Variants in RBMS3 observed in about 807,000 individuals in gnomAD.
RBMS3 encodes the protein RNA-binding motif, single-stranded-interacting protein 3.
In RBMS3, 27 loss-of-function variants were observed where a neutral mutation model predicts 66.8. The observed-to-expected ratio is 0.40, with a 90% CI of 0.30 to 0.56. The LOEUF is 0.56. Ranked by LOEUF, RBMS3 falls within the 20% of genes least tolerant of loss-of-function variation. RBMS3 has a pLI of 0.40. For missense variants in RBMS3, 513 were observed against 549.5 expected (o/e 0.93, Z 0.66); for synonymous variants, 188 against 183.0 (o/e 1.03, Z -0.22).
At chr3:29,944,293 G>C in intron 12 of RBMS3, 39 bp downstream of exon 12, 1 of 1,512,098 alleles carries the variant, frequency 6.6e-7, no homozygotes, top group Non-Finnish European at 9.2e-7. Context: ...GGATTGGAGG[G>C]GAGAGATGGA....
intron 1 of RBMS3, among the ~76,000 whole-genome samples, chr3:29,423,953 C>T (rs980996584): frequency 2.0e-5 from 3 of 152,122 alleles, no homozygotes; most frequent in Non-Finnish European, 4.4e-5. Context: ...TCTCAGTATT[C>T]TCTTCTTCAA....
In RBMS3 at chr3:29,528,179, C is replaced by T. The variant is rs548295384; in HGVS notation, c.307+39680C>T. On this transcript the variant is annotated intron_variant, in intron 3 of 14. Transcript: ENST00000383767. ...CCAAGCTGGAGTGCAATGGCATGAT[C>T]TAGGCTCACTGTAACCTCCGCCTCA... is the stretch of plus-strand genomic sequence containing the variant. Among the ~76,000 whole-genome samples, 4 of 139,474 alleles carry T rather than the reference C, an allele frequency of 2.9e-5. No homozygotes were observed. The South Asian group carries it at 9.1e-4, about 32-fold the overall frequency. 91.5% of individuals were successfully genotyped at this position (139,474 alleles called of 152,430 possible).
chr3:29,579,256 C>A (rs369496960), intron 3 of RBMS3, among the ~76,000 whole-genome samples: 1 of 152,212 alleles, frequency 6.6e-6, no homozygotes, highest in African/African-American at 2.4e-5. Context: ...AAGGATGCTT[C>A]GGTTGTGGGG....
intron 1 of RBMS3, among the ~76,000 whole-genome samples, chr3:29,301,178 G>A (rs1010666316): frequency 6.6e-6 from 1 of 151,926 alleles, no homozygotes; most frequent in Non-Finnish European, 1.5e-5. Flanking sequence ...CTTAAGTTTT[G>A]TCACCATGGA....
At chr3:29,915,513 A>G (rs1168299837) in intron 10 of RBMS3, among the ~76,000 whole-genome samples, 1 of 151,926 alleles carries the variant, frequency 6.6e-6, no homozygotes, top group Non-Finnish European at 1.5e-5. Flanking sequence ...AAAGAGCAGA[A>G]GTTTAAAGTA....
At chr3:29,802,885 C>T (rs2149445545) in intron 6 of RBMS3, among the ~76,000 whole-genome samples, 1 of 152,200 alleles carries the variant, frequency 6.6e-6, no homozygotes, top group East Asian at 1.9e-4. Flanking sequence ...TATTATAAGA[C>T]CCTTTCTGCC....
intron 2 of RBMS3, among the ~76,000 whole-genome samples, chr3:29,451,850 A>T (rs2042027515): frequency 6.6e-6 from 1 of 152,216 alleles, no homozygotes; most frequent in East Asian, 1.9e-4. Context: ...TACCACGTTC[A>T]TGTTGTTGCA....
intron 1 of RBMS3, among the ~76,000 whole-genome samples, chr3:29,334,404 T>C (rs2035831609): frequency 6.6e-6 from 1 of 152,202 alleles, no homozygotes; most frequent in Non-Finnish European, 1.5e-5. Flanking sequence ...TTGCATTATT[T>C]AGTAGCTAAT....
rs2047963722 is a variant in RBMS3, at chr3:29,596,890, CT to C, written c.399+9686del. On this transcript the variant is annotated intron_variant, in intron 4 of 14. Coordinates refer to ENST00000383767, the MANE Select transcript of RBMS3 (RefSeq NM_001003793.3). Reference sequence around the variant, plus strand: ...GGTTATATTTTAATGGTTTTCAATTCTGATAAATTTTTGTGACCTCAAACTG... The same window carrying C: ...GGTTATATTTTAATGGTTTTCAATTCGATAAATTTTTGTGACCTCAAACTG... Among the ~76,000 whole-genome samples the C allele has an allele frequency of 4.6e-5, 7 of 152,216 alleles. No individual in the cohort carries two copies. The South Asian group carries it at 1.5e-3, about 32-fold the overall frequency.
intron 6 of RBMS3, among the ~76,000 whole-genome samples, chr3:29,790,211 T>G (rs1337908058): frequency 6.6e-6 from 1 of 152,200 alleles, no homozygotes; most frequent in Non-Finnish European, 1.5e-5. Flanking sequence ...TTTAAAAATC[T>G]ATTCTAAAAT....
At chr3:29,631,901 C>A (rs1279851174) in intron 4 of RBMS3, among the ~76,000 whole-genome samples, 4 of 151,838 alleles carry the variant, frequency 2.6e-5, no homozygotes, top group Non-Finnish European at 5.9e-5. Context: ...CTCTGACTCT[C>A]CTCACTCCCA....
chr3:29,703,185 G>A (rs75112704), intron 4 of RBMS3, among the ~76,000 whole-genome samples: 1 of 152,280 alleles, frequency 6.6e-6, no homozygotes, highest in African/African-American at 2.4e-5. Flanking sequence ...CGAAGCCATA[G>A]AACTAGGGAG....
intron 4 of RBMS3, among the ~76,000 whole-genome samples, chr3:29,607,982 A>C: frequency 6.6e-6 from 1 of 152,012 alleles, no homozygotes; most frequent in East Asian, 1.9e-4. Context: ...AGCAGAGAAA[A>C]TAGTGTAATT....
At chr3:29,397,022 C>G (rs901045264) in intron 1 of RBMS3, among the ~76,000 whole-genome samples, 1 of 152,048 alleles carries the variant, frequency 6.6e-6, no homozygotes, top group Non-Finnish European at 1.5e-5. Context: ...TTGTAGCCTG[C>G]TGAGTGTTTA....
intron 6 of RBMS3, among the ~76,000 whole-genome samples, chr3:29,816,412 G>A (rs753452562): frequency 2.6e-5 from 4 of 151,930 alleles, no homozygotes; most frequent in African/African-American, 9.7e-5. Context: ...GCTGGGAAAT[G>A]TAATCTGGTT....
chr3:29,729,122 AT>A (rs1027249613), intron 4 of RBMS3, among the ~76,000 whole-genome samples: 1 of 151,464 alleles, frequency 6.6e-6, no homozygotes, highest in African/African-American at 2.4e-5. Flanking sequence ...TCCTAATGCT[AT>A]CCCTCCCCTA....
chr3:29,457,926 CT>C (rs2042250012), intron 2 of RBMS3, among the ~76,000 whole-genome samples: 2 of 149,034 alleles, frequency 1.3e-5, no homozygotes, highest in Admixed American at 1.3e-4. Context: ...GTTTCCTTTG[CT>C]TAGAGCTTTT....
intron 6 of RBMS3, among the ~76,000 whole-genome samples, chr3:29,821,612 A>T (rs982253069): frequency 1.4e-4 from 21 of 152,296 alleles, no homozygotes; most frequent in Middle Eastern, 3.4e-3. Flanking sequence ...AGGAACTACA[A>T]CACTTTTTAT....
At chr3:29,971,409 A>G (rs578054300) in intron 12 of RBMS3, among the ~76,000 whole-genome samples, 389 of 152,158 alleles carry the variant, frequency 2.6e-3, no homozygotes, top group Non-Finnish European at 3.9e-3. Flanking sequence ...AAGTTGTTTC[A>G]TAAGTGGCTC....
Sources: allele counts gnomAD v4.1 joint callset (sites outside exome capture counted in the v4.1 genomes callset), GRCh38; gene constraint gnomAD v4.1.1; transcripts MANE v1.5; gene names NCBI Gene and HGNC (gene_info 2026-07-23, HGNC 2026-07-21).